Variants in SUMF1 observed in about 807,000 individuals in gnomAD.
The protein encoded by SUMF1 is formylglycine-generating enzyme.
A neutral mutation model predicts 47.6 loss-of-function variants in SUMF1; 48 were observed. The ratio of observed to expected loss-of-function variants is 1.01; its 90% CI spans 0.80 to 1.28. The LOEUF (loss-of-function observed/expected upper bound fraction) is 1.28, where lower values mean the gene tolerates loss of function less well. Among genes scored for constraint, SUMF1 ranks in the 50% most tolerant of loss-of-function variants. The pLI, the probability that SUMF1 is intolerant of heterozygous loss-of-function variation, is 0.00. For synonymous variants in SUMF1, 230 were observed against 192.1 expected, an observed-to-expected ratio of 1.20 and a Z score of -1.63; for missense variants, 571 against 485.4, an observed-to-expected ratio of 1.18 and a Z score of -1.66.
At chr3:4,049,326 C>T (rs549831677) in intron 9 of SUMF1, among the ~76,000 whole-genome samples, 13 of 152,212 alleles carry the variant, frequency 8.5e-5, no homozygotes, top group African/African-American at 2.6e-4. Context: ...CACTTCTTCT[C>T]GTATTTCACT....
intron 9 of SUMF1, among the ~76,000 whole-genome samples, chr3:4,053,783 T>C (rs543266790): frequency 9.9e-5 from 15 of 152,122 alleles, no homozygotes; most frequent in Admixed American, 2.0e-4. Flanking sequence ...TAATAAAACA[T>C]TGAACAACCG....
At chr3:4,363,091 T>A (rs114962767) in intron 8 of SUMF1, among the ~76,000 whole-genome samples, 4,462 of 152,226 alleles carry the variant, frequency 0.029, 199 homozygotes, top group African/African-American at 0.1. Flanking sequence ...GTTTCCTATA[T>A]GAAACCTATT....
chr3:4,460,139 G>T (rs1275393643), intron 1 of SUMF1, among the ~76,000 whole-genome samples: 1 of 152,168 alleles, frequency 6.6e-6, no homozygotes, highest in Non-Finnish European at 1.5e-5. Flanking sequence ...AGTATGGTAT[G>T]CTGTCATTAG....
chr3:4,246,801 A>G (rs995915816), intron 8 of SUMF1, among the ~76,000 whole-genome samples: 17 of 152,146 alleles, frequency 1.1e-4, no homozygotes, highest in African/African-American at 4.1e-4. Context: ...TCAAATCTTG[A>G]CCTTTCTATG....
At chr3:4,379,425 G>C (rs760158323) in intron 7 of SUMF1, among the ~76,000 whole-genome samples, 1 of 152,246 alleles carries the variant, frequency 6.6e-6, no homozygotes, top group Non-Finnish European at 1.5e-5. Context: ...GCGGCTACAA[G>C]CCAAGGAATG....
intron 7 of SUMF1, among the ~76,000 whole-genome samples, chr3:4,381,371 C>T (rs78545200): frequency 6.6e-6 from 1 of 152,140 alleles, no homozygotes; most frequent in African/African-American, 2.4e-5. Flanking sequence ...TAAAAGGCTA[C>T]AAATCGGGTG....
chr3:4,374,010 A>C (rs1392991472), intron 8 of SUMF1, among the ~76,000 whole-genome samples: 1 of 152,200 alleles, frequency 6.6e-6, no homozygotes, highest in East Asian at 1.9e-4. Flanking sequence ...ACTCTAAAAA[A>C]TTAGCAATGG....
rs534446264 is a variant in SUMF1, at chr3:4,151,329, G to A, written c.1015-82584C>T. Among the ~76,000 whole-genome samples, 18 of 147,666 alleles carry A rather than the reference G, an allele frequency of 1.2e-4. No homozygotes were observed. In the South Asian group the frequency reaches 2.7e-3, roughly 23 times the overall value. On this transcript the variant is annotated intron_variant and NMD_transcript_variant, in intron 8 of 12. Transcript: ENST00000448413. ...AGTCTGGGGTGCTTCTCCCTACAGG[G>A]AAGAAGAAAAACATAAATATACATA...
rs1702126754 is a variant in SUMF1, at chr3:4,428,254, T to A, written c.520-8108A>T. Among the ~76,000 whole-genome samples the A allele has an allele frequency of 2.0e-5, 3 of 152,170 alleles. No homozygotes were observed. In the South Asian group the frequency reaches 6.2e-4, roughly 32 times the overall value. On this transcript the variant is annotated intron_variant, in intron 3 of 8. Coordinates refer to ENST00000272902, the MANE Select transcript of SUMF1 (RefSeq NM_182760.4). ...CAATATATAGAGACACCCACCCACA[T>A]ACCCACATATCCCAAGAAAATATTA...
intron 3 of SUMF1, among the ~76,000 whole-genome samples, chr3:4,448,567 T>C (rs1702863617): frequency 6.6e-6 from 1 of 152,178 alleles, no homozygotes; most frequent in Non-Finnish European, 1.5e-5. Flanking sequence ...CTTGTTCTTA[T>C]ATTTTCAAGA....
At chr3:4,093,607 T>C (rs1423574546) in intron 8 of SUMF1, among the ~76,000 whole-genome samples, 1 of 151,994 alleles carries the variant, frequency 6.6e-6, no homozygotes, top group South Asian at 2.1e-4. Context: ...GATACAGATA[T>C]TTAAGAAACA....
chr3:4,316,502 T>C, intron 8 of SUMF1: 2 of 1,598,110 alleles, frequency 1.3e-6, no homozygotes, highest in Non-Finnish European at 8.5e-7. Context: ...AAGAACTCAA[T>C]GTCAACCATT....
chr3:4,038,786 C>T (rs1166689623), intron 9 of SUMF1, among the ~76,000 whole-genome samples: 1 of 152,162 alleles, frequency 6.6e-6, no homozygotes, highest in African/African-American at 2.4e-5. Context: ...CTGGGAGTCT[C>T]TCCCCAGGGA....
At chr3:4,238,227 C>T (rs558947848) in intron 8 of SUMF1, among the ~76,000 whole-genome samples, 32 of 152,100 alleles carry the variant, frequency 2.1e-4, no homozygotes, top group Non-Finnish European at 3.8e-4. Context: ...GTGAACAGTG[C>T]TGCAATAAAC....
At chr3:4,366,712 A>T (rs1004302234) in intron 8 of SUMF1, among the ~76,000 whole-genome samples, 1 of 152,146 alleles carries the variant, frequency 6.6e-6, no homozygotes, top group African/African-American at 2.4e-5. Context: ...TTCTTCTCTC[A>T]ACTCGTCAAA....
chr3:4,444,855 T>C (rs550641079), intron 3 of SUMF1, among the ~76,000 whole-genome samples: 3 of 152,286 alleles, frequency 2.0e-5, no homozygotes, highest in Non-Finnish European at 4.4e-5. Context: ...CTCGAAATAC[T>C]GTTTTCTACT....
chr3:4,176,236 T>C (rs1340007256), intron 8 of SUMF1, among the ~76,000 whole-genome samples: 2 of 152,072 alleles, frequency 1.3e-5, no homozygotes, highest in African/African-American at 4.8e-5. Flanking sequence ...CACATAATCA[T>C]CAGATTCACC....
chr3:4,081,026 T>A (rs1692548359), intron 8 of SUMF1, among the ~76,000 whole-genome samples: 2 of 152,126 alleles, frequency 1.3e-5, no homozygotes, highest in Admixed American at 1.3e-4. Context: ...TTTAAAGGAC[T>A]CAATACACAT....
intron 8 of SUMF1, 89 bp from the exon 9 acceptor site, chr3:4,362,343 A>C: frequency 4.6e-6 from 5 of 1,077,744 alleles, no homozygotes; most frequent in Non-Finnish European, 4.3e-6. Context: ...CCGGCTGTAG[A>C]CAGTGCTTCC....
Sources: gnomAD v4.1 joint callset for allele counts (sites outside exome capture counted in the v4.1 genomes callset) on GRCh38, gnomAD v4.1.1 for gene constraint, MANE v1.5 for transcripts, NCBI Gene and HGNC (gene_info 2026-07-23, HGNC 2026-07-21) for gene names.